The following TMEM132C variants were observed in gnomAD, a reference collection of about 807,000 sequenced individuals.
TMEM132C encodes the protein transmembrane protein 132C, also known as protein phosphatase 1, regulatory subunit 152.
A neutral mutation model predicts 61.4 loss-of-function variants in TMEM132C; 29 were observed. The observed-to-expected ratio is 0.47, with a 90% CI of 0.35 to 0.64. TMEM132C has a LOEUF of 0.64. Among genes scored for constraint, TMEM132C ranks in the 30% least tolerant of loss-of-function variants. The pLI is 0.00. For synonymous variants in TMEM132C, 656 were observed against 633.1 expected (o/e 1.04, Z -0.54); for missense variants, 1,408 against 1,476.9 (o/e 0.95, Z 0.76).
chr12:128,371,602 C>G (rs763115767), intron 1 of TMEM132C, among the ~76,000 whole-genome samples: 20 of 152,100 alleles, frequency 1.3e-4, no homozygotes, highest in Non-Finnish European at 2.4e-4. Flanking sequence ...TGAGACTAGG[C>G]CTTACTGTTG....
intron 5 of TMEM132C, among the ~76,000 whole-genome samples, chr12:128,681,161 A>G (rs1954631113): frequency 6.6e-6 from 1 of 152,052 alleles, no homozygotes. Context: ...TTGCATTTTT[A>G]GTAAAGATGG....
chr12:128,446,776 C>T (rs10773544), intron 2 of TMEM132C, among the ~76,000 whole-genome samples: 17,483 of 152,136 alleles, frequency 0.11, 1,351 homozygotes, highest in African/African-American at 0.21. Flanking sequence ...ACTGAAGCAG[C>T]GATATATTAT....
chr12:128,295,309 T>A (rs1871371889), intron 1 of TMEM132C, among the ~76,000 whole-genome samples: 1 of 152,132 alleles, frequency 6.6e-6, no homozygotes, highest in Admixed American at 6.6e-5. Context: ...AGTTATGGGA[T>A]TACAAGTGTG....
intron 5 of TMEM132C, among the ~76,000 whole-genome samples, chr12:128,672,494 A>G (rs761621986): frequency 6.6e-6 from 1 of 152,224 alleles, no homozygotes; most frequent in Non-Finnish European, 1.5e-5. Flanking sequence ...TCCATTACTA[A>G]TATCTCCAGG....
In TMEM132C at chr12:128,452,648, G is replaced by C. The variant is rs576483531; in HGVS notation, c.974+37028G>C. 4.6e-5 allele frequency among the ~76,000 whole-genome samples: 7 copies of C among 151,762 alleles called. No homozygotes were observed. In the East Asian group the frequency reaches 1.4e-3, roughly 30 times the overall value. ...GAACCCGGGAGGCAGAGATTTCAGT[G>C]AGCTGAGATCACACCACTGCACTCC... On this transcript the variant is annotated intron_variant, in intron 2 of 8. Coordinates refer to ENST00000435159, the MANE Select transcript of TMEM132C (RefSeq NM_001136103.3).
At position 128,267,489 on chromosome 12, in the gene TMEM132C, TA is replaced by T. The variant is rs1286936422; in HGVS notation, c.85+4del. The T allele has an allele frequency of 8.0e-7, 1 of 1,255,544 alleles. No individual in the cohort carries two copies. The highest frequency in any genetic ancestry group is 1.0e-6 in the Non-Finnish European group (1 of 1,002,172). The allele number at this position is 1,255,544 out of a possible 1,614,324, so 77.8% of individuals were successfully genotyped here. ...TGCTGGGCGCGCTGCTGGGCAAAGG[TA>T]AGGCCGGGGCGGGTGCCTGGCGCGC... On this transcript the variant is annotated splice_donor_region_variant and intron_variant, in intron 1 of 8. Transcript: ENST00000435159.
chr12:128,476,691 A>G (rs1048049251), intron 2 of TMEM132C, among the ~76,000 whole-genome samples: 1 of 151,016 alleles, frequency 6.6e-6, no homozygotes, highest in African/African-American at 2.4e-5. Context: ...GCTGCACAGT[A>G]CAAGCAGTCA....
chr12:128,622,673 T>A (rs1953979767), intron 4 of TMEM132C, among the ~76,000 whole-genome samples: 1 of 151,862 alleles, frequency 6.6e-6, no homozygotes, highest in Non-Finnish European at 1.5e-5. Context: ...TGCTCTGGGG[T>A]CCGTGGGGAA....
At chr12:128,277,586 T>G (rs1870735252) in intron 1 of TMEM132C, among the ~76,000 whole-genome samples, 1 of 152,178 alleles carries the variant, frequency 6.6e-6, no homozygotes, top group East Asian at 1.9e-4. Context: ...GTGAGGTCAC[T>G]TCCACCCACA....
In TMEM132C at chr12:128,278,484, G is replaced by A. The variant is rs951522117; in HGVS notation, c.85+10997G>A. Among the ~76,000 whole-genome samples the A allele has an allele frequency of 2.6e-5, 4 of 152,036 alleles. No individual in the cohort carries two copies. Among genetic ancestry groups the A allele is most frequent in the Non-Finnish European group, 5.9e-5 (4 of 68,018 alleles). ...CTTCTCCTGGTCAGTTGTCTCCCTG[G>A]CCATGTCCTGGCCCTTGACCCCAGC... On this transcript the variant is annotated intron_variant, in intron 1 of 8. Coordinates refer to ENST00000435159, the MANE Select transcript of TMEM132C (RefSeq NM_001136103.3). This position sits in a 1 kb window ranked among gnomAD's most constrained non-coding sequence, Gnocchi z 4.2.
chr12:128,509,804 T>G (rs986757048), intron 2 of TMEM132C, among the ~76,000 whole-genome samples: 3 of 152,202 alleles, frequency 2.0e-5, no homozygotes, highest in Non-Finnish European at 4.4e-5. Context: ...AATACTCATT[T>G]TTAAAAATAA....
In TMEM132C at chr12:128,387,944, G is replaced by A. The variant is rs12311148; in HGVS notation, c.86-26788G>A. On this transcript the variant is annotated intron_variant, in intron 1 of 8. Coordinates refer to ENST00000435159, the MANE Select transcript of TMEM132C (RefSeq NM_001136103.3). ...AGACCCAGCTTGCTCCTGGGCAGCCGTGCCCGGCCGTCACCTGTGCCCTTC... is the reference window on the plus strand; with the variant it reads ...AGACCCAGCTTGCTCCTGGGCAGCCATGCCCGGCCGTCACCTGTGCCCTTC... Among the ~76,000 whole-genome samples the A allele has an allele frequency of 4.5e-3, 679 of 152,322 alleles. 6 individuals carry two copies. Among genetic ancestry groups the A allele is most frequent in the Middle Eastern group, 0.014 (4 of 294 alleles).
intron 2 of TMEM132C, among the ~76,000 whole-genome samples, chr12:128,474,809 A>G (rs949237701): frequency 1.6e-4 from 24 of 152,194 alleles, no homozygotes; most frequent in African/African-American, 5.5e-4. Flanking sequence ...CAAGCTGCAC[A>G]AATTGGTACC....
intron 5 of TMEM132C, among the ~76,000 whole-genome samples, chr12:128,687,937 C>CT (rs988720982): frequency 6.6e-6 from 1 of 152,174 alleles, no homozygotes; most frequent in African/African-American, 2.4e-5. Flanking sequence ...ACTGTTTTCC[C>CT]TTAACCCTAC....
intron 6 of TMEM132C, among the ~76,000 whole-genome samples, chr12:128,695,112 T>G (rs904410020): frequency 6.6e-6 from 1 of 152,226 alleles, no homozygotes; most frequent in African/African-American, 2.4e-5. Flanking sequence ...AGTGGTGGGA[T>G]GTTCTAGAAC....
intron 2 of TMEM132C, among the ~76,000 whole-genome samples, chr12:128,520,438 A>G (rs1872863463): frequency 6.6e-6 from 1 of 152,238 alleles, no homozygotes; most frequent in Non-Finnish European, 1.5e-5. Flanking sequence ...AAAGGTATAA[A>G]TATGAACCCT....
chr12:128,681,686 C>A (rs1404025685), intron 5 of TMEM132C, among the ~76,000 whole-genome samples: 2 of 148,746 alleles, frequency 1.3e-5, no homozygotes, highest in African/African-American at 5.0e-5. Context: ...CAGAGTCTCA[C>A]CCTATCTCCC....
intron 1 of TMEM132C, among the ~76,000 whole-genome samples, chr12:128,382,468 A>C (rs10773532): frequency 0.36 from 55,071 of 151,734 alleles, 10,928 homozygotes; most frequent in Middle Eastern, 0.47. Context: ...CTGAATTTTT[A>C]ATTTTAGTTA....
chr12:128,596,336 C>T lies in TMEM132C; in HGVS notation c.1122-19816C>T, dbSNP rs188575423. On this transcript the variant is annotated intron_variant, in intron 3 of 8. Coordinates refer to ENST00000435159, the MANE Select transcript of TMEM132C (RefSeq NM_001136103.3). ...GGGCTTGACTGATCCTGTGTTCTCT[C>T]CATCACACTGGGCTGCCCCTTTCGC... Among the ~76,000 whole-genome samples, 785 of 150,522 alleles carry T rather than the reference C, an allele frequency of 5.2e-3. 5 individuals are homozygous for T. The highest frequency in any genetic ancestry group is 0.018 in the African/African-American group (737 of 40,640).
Sources: allele counts gnomAD v4.1 joint callset (sites outside exome capture counted in the v4.1 genomes callset), GRCh38; gene constraint gnomAD v4.1.1; non-coding constraint Gnocchi (gnomAD v3.1); transcripts MANE v1.5; gene names NCBI Gene and HGNC (gene_info 2026-07-23, HGNC 2026-07-21).